Variants in KCNIP3 observed in about 807,000 individuals in gnomAD.
KCNIP3 encodes the protein potassium voltage-gated channel interacting protein 3, also known as calsenilin.
KCNIP3 carries 28 observed loss-of-function variants against 35.0 expected under a neutral mutation model. That is an observed-to-expected ratio of 0.80 (90% CI 0.59 to 1.10). The LOEUF (loss-of-function observed/expected upper bound fraction) is 1.10. Among genes scored for constraint, KCNIP3 ranks in the 50% least tolerant of loss-of-function variants. The pLI is 0.00. For missense variants in KCNIP3, 295 were observed against 338.4 expected, an observed-to-expected ratio of 0.87 and a Z score of 1.01; for synonymous variants, 134 against 133.8, an observed-to-expected ratio of 1.00 and a Z score of -0.01.
intron 2 of KCNIP3, among the ~76,000 whole-genome samples, chr2:95,351,250 G>C (rs1679514240): frequency 6.6e-6 from 1 of 152,270 alleles, no homozygotes; most frequent in Admixed American, 6.5e-5. Flanking sequence ...GCCATCGGAA[G>C]GTCCTGACAA....
At position 95,384,120 on chromosome 2, in the gene KCNIP3, C is replaced by T; in HGVS notation, c.*71C>T. The stretch of plus-strand genomic sequence containing the variant: ...GAAACCTCCATCCTGCCAGGAGCAG[C>T]CTCCAAGAAACTTTTAAAAAATAGA... On this transcript the variant is annotated 3_prime_UTR_variant, in exon 9 of 9. Transcript: ENST00000295225. 1 of 1,413,376 alleles carries T rather than the reference C, an allele frequency of 7.1e-7. No homozygotes were observed. The highest frequency in any genetic ancestry group is 1.2e-5 in the South Asian group (1 of 86,892). 87.6% of individuals were successfully genotyped at this position (1,413,376 alleles called of 1,614,324 possible). A position where few individuals can be genotyped will look rare whatever the true frequency, so the allele number is the denominator to read the frequency against.
chr2:95,343,539 C>T (rs985111949), intron 2 of KCNIP3, among the ~76,000 whole-genome samples: 3 of 152,234 alleles, frequency 2.0e-5, no homozygotes, highest in East Asian at 1.9e-4. Flanking sequence ...AGCCCAGACC[C>T]GCCCTTATGA....
intron 2 of KCNIP3, among the ~76,000 whole-genome samples, chr2:95,315,962 C>T (rs142699815): frequency 7.2e-5 from 11 of 152,332 alleles, no homozygotes; most frequent in African/African-American, 2.4e-4. Flanking sequence ...GGTTGATACT[C>T]GATTGCTGTT....
At chr2:95,310,182 CCAGGTCTGG>C (rs770626568) in intron 1 of KCNIP3, 164 bp from the exon 2 acceptor site, 2 of 765,030 alleles carry the variant, frequency 2.6e-6, no homozygotes, top group South Asian at 1.5e-5. Context: ...AGGAACCTCC[CCAGGTCTGG>C]CAGGAATGGC....
chr2:95,316,941 GT>G (rs2104219985), intron 2 of KCNIP3, among the ~76,000 whole-genome samples: 1 of 152,348 alleles, frequency 6.6e-6, no homozygotes, highest in East Asian at 1.9e-4. Context: ...TTATTGCTAA[GT>G]GCTCAAAAAT....
chr2:95,320,817 C>T (rs1287680942), intron 2 of KCNIP3, among the ~76,000 whole-genome samples: 5 of 151,992 alleles, frequency 3.3e-5, no homozygotes, highest in Admixed American at 6.5e-5. Flanking sequence ...GACTGAAGCT[C>T]CCCAGGGTGG....
In KCNIP3 at chr2:95,386,069, G is replaced by C. The variant is rs1203660526; in HGVS notation, c.*2020G>C. The C allele has an allele frequency of 1.3e-5, 2 of 152,294 alleles. No homozygotes were observed. Among genetic ancestry groups the C allele is most frequent in the African/African-American group, 2.4e-5 (1 of 41,474 alleles). The allele number at this position is 152,294 out of a possible 1,614,324, so 9.4% of individuals were successfully genotyped here. A position where few individuals can be genotyped will look rare whatever the true frequency, so the allele number is the denominator to read the frequency against. ...CTGTATATTTTAATAAAATAAACTT[G>C]ACAAAGGAGAGGGATTCCTGTTGGC... is the stretch of plus-strand genomic sequence containing the variant. On this transcript the variant is annotated 3_prime_UTR_variant, in exon 9 of 9. Coordinates refer to ENST00000295225, the MANE Select transcript of KCNIP3 (RefSeq NM_013434.5).
rs58903840 is a variant in KCNIP3, at chr2:95,384,169, T to TACACACACAC, written c.*148_*157dup. The TACACACACAC allele has an allele frequency of 0.063, 32,095 of 510,880 alleles. 1,006 individuals carry two copies. The highest frequency in any genetic ancestry group is 0.081 in the Non-Finnish European group (22,542 of 277,554). The allele number at this position is 510,880 out of a possible 1,614,324, so 31.6% of individuals were successfully genotyped here. The stretch of plus-strand genomic sequence containing the variant: ...GATTTGCAAAAAGTGAACAGATTGC[T>TACACACACAC]ACACACACACACACACACACACACA... On this transcript the variant is annotated 3_prime_UTR_variant, in exon 9 of 9. Coordinates refer to ENST00000295225, the MANE Select transcript of KCNIP3 (RefSeq NM_013434.5).
chr2:95,383,963 AC>A, intron 8 of KCNIP3, 38 bp from the exon 9 acceptor site: 1 of 1,599,634 alleles, frequency 6.3e-7, no homozygotes, highest in Non-Finnish European at 8.6e-7. Context: ...TTTGGAGCCC[AC>A]CCAGCACCTG....
chr2:95,328,387 G>A (rs756929173), intron 2 of KCNIP3, among the ~76,000 whole-genome samples: 13 of 152,242 alleles, frequency 8.5e-5, no homozygotes, highest in Non-Finnish European at 1.5e-4. Flanking sequence ...ACAGTATCCC[G>A]CTTGGGAAAT....
chr2:95,371,460 A>T (rs867950806), intron 2 of KCNIP3, among the ~76,000 whole-genome samples: 9 of 152,324 alleles, frequency 5.9e-5, no homozygotes, highest in African/African-American at 2.2e-4. Flanking sequence ...CCAGCATCTG[A>T]TATATATTGG....
chr2:95,301,852 CTGTGTGTG>C (rs141927142), intron 1 of KCNIP3, among the ~76,000 whole-genome samples: 2 of 149,130 alleles, frequency 1.3e-5, no homozygotes, highest in Admixed American at 6.7e-5. Context: ...GGGCCCAGGG[CTGTGTGTG>C]TGTGTGTGTG....
rs1680117858 is a variant in KCNIP3 at position 95,374,338 on chromosome 2, A to G, written c.224A>G (p.Gln75Arg). The change falls in exon 3 of 9, where the codon CAG (glutamine) becomes CGG (arginine). Residue 75 changes from glutamine to arginine, a missense_variant. Gln to Arg is a conservative substitution (Grantham distance 43, BLOSUM62 1). Transcript: ENST00000295225. Reference protein sequence around the residue: ...SELELSTVRHQPEGLDQLQAQ... With the variant: ...SELELSTVRHRPEGLDQLQAQ... Reference sequence around the variant, plus strand: ...CTGGAGCTGTCCACGGTGCGCCACCAGCCAGAGGGGCTGGACCAGCTGCAG... The same window carrying G: ...CTGGAGCTGTCCACGGTGCGCCACCGGCCAGAGGGGCTGGACCAGCTGCAG... The G allele has an allele frequency of 6.2e-7, 1 of 1,614,062 alleles. No homozygotes were observed. Among genetic ancestry groups the G allele is most frequent in the Admixed American group, 1.7e-5 (1 of 60,010 alleles).
chr2:95,369,006 A>C (rs1027292290), intron 2 of KCNIP3: 1 of 152,254 alleles, frequency 6.6e-6, no homozygotes, highest in African/African-American at 2.4e-5. Context: ...ATTGTTCATT[A>C]CTGATCTGTA....
In KCNIP3 at chr2:95,376,615, G is replaced by A. The variant is rs184872870; in HGVS notation, c.447+1407G>A. ...TCTGCAGCTTCTCTGCACGTGAAAC[G>A]AAGTCCTCTGGCTTCACGCAGGTAC... On this transcript the variant is annotated intron_variant, in intron 5 of 8. Coordinates refer to ENST00000295225, the MANE Select transcript of KCNIP3 (RefSeq NM_013434.5). The surrounding 1 kb of genome is among the most constrained non-coding windows in gnomAD (Gnocchi z 4.2). Among the ~76,000 whole-genome samples, 4 of 152,234 alleles carry A rather than the reference G, an allele frequency of 2.6e-5. No individual in the cohort carries two copies. The highest frequency in any genetic ancestry group is 5.9e-5 in the Non-Finnish European group (4 of 68,040).
At chr2:95,341,779 T>C (rs1040358514) in intron 2 of KCNIP3, among the ~76,000 whole-genome samples, 3 of 152,136 alleles carry the variant, frequency 2.0e-5, no homozygotes, top group Non-Finnish European at 2.9e-5. Flanking sequence ...GCTGAAACAA[T>C]TGGGAAAAGG....
At chr2:95,315,682 G>T (rs909798920) in intron 2 of KCNIP3, among the ~76,000 whole-genome samples, 4 of 152,178 alleles carry the variant, frequency 2.6e-5, no homozygotes, top group African/African-American at 9.7e-5. Flanking sequence ...GGGCCTCAGT[G>T]TCACCTAGAG....
At chr2:95,356,599 A>G (rs570770226) in intron 2 of KCNIP3, among the ~76,000 whole-genome samples, 2 of 152,310 alleles carry the variant, frequency 1.3e-5, no homozygotes, top group South Asian at 4.1e-4. Context: ...CATTTATTAA[A>G]TAGGGAATCG....
At chr2:95,381,802 C>A in intron 6 of KCNIP3, 99 bp downstream of exon 6, 2 of 825,284 alleles carry the variant, frequency 2.4e-6, no homozygotes, top group Non-Finnish European at 4.1e-6. Flanking sequence ...GCCCACCTGT[C>A]TTCTCCCGCT....
Sources: allele counts gnomAD v4.1 joint callset (sites outside exome capture counted in the v4.1 genomes callset), GRCh38; gene constraint gnomAD v4.1.1; non-coding constraint Gnocchi (gnomAD v3.1); transcripts MANE v1.5; gene names NCBI Gene and HGNC (gene_info 2026-07-23, HGNC 2026-07-21).